The following ATP8B4 variants were observed in gnomAD, a reference collection of about 807,000 sequenced individuals.
The protein encoded by ATP8B4 is ATPase phospholipid transporting 8B4 (putative).
In ATP8B4, 133 loss-of-function variants were observed where a neutral mutation model predicts 145.6. The observed-to-expected ratio is 0.91, with a 90% CI of 0.79 to 1.05. The LOEUF (loss-of-function observed/expected upper bound fraction) is 1.05, where lower values mean the gene tolerates loss of function less well. ATP8B4 is among the 50% of genes least tolerant of loss of function. The probability of loss-of-function intolerance (pLI) is 0.00; values close to 1 mark genes in which losing one functional copy is unlikely to be tolerated. For synonymous variants in ATP8B4, 507 were observed against 492.9 expected (o/e 1.03, Z -0.38); for missense variants, 1,458 against 1,425.2 (o/e 1.02, Z -0.37).
chr15:49,888,230 G>A (rs903521110), intron 23 of ATP8B4, among the ~76,000 whole-genome samples: 6 of 152,218 alleles, frequency 3.9e-5, no homozygotes, highest in African/African-American at 1.4e-4. Flanking sequence ...TCTGGAAGGT[G>A]AGGGGGAGCA....
chr15:50,146,839 G>A (rs980967831), intron 1 of ATP8B4, among the ~76,000 whole-genome samples: 3 of 152,106 alleles, frequency 2.0e-5, no homozygotes, highest in African/African-American at 7.2e-5. Context: ...AGGAAGAGGA[G>A]GAGCCTTGAA....
chr15:49,989,758 A>G (rs2046906581), intron 9 of ATP8B4, among the ~76,000 whole-genome samples: 1 of 151,958 alleles, frequency 6.6e-6, no homozygotes, highest in Non-Finnish European at 1.5e-5. Flanking sequence ...GCCAAACTAC[A>G]TTTGTTTTTA....
At chr15:50,081,077 C>T (rs1463307121) in intron 2 of ATP8B4, among the ~76,000 whole-genome samples, 7 of 149,308 alleles carry the variant, frequency 4.7e-5, no homozygotes, top group African/African-American at 7.4e-5. Flanking sequence ...CACGCCACTG[C>T]ACTCCAGCCT....
intron 1 of ATP8B4, among the ~76,000 whole-genome samples, chr15:50,110,568 A>G (rs1256600953): frequency 6.6e-6 from 1 of 152,256 alleles, no homozygotes; most frequent in African/African-American, 2.4e-5. Flanking sequence ...CTAGCTCTAG[A>G]AGCAGGAACT....
chr15:50,100,672 C>T (rs1319471151), intron 2 of ATP8B4, among the ~76,000 whole-genome samples: 5 of 152,148 alleles, frequency 3.3e-5, no homozygotes, highest in Admixed American at 3.3e-4. Flanking sequence ...TGATGGTGAT[C>T]ATTTTATCAC....
intron 6 of ATP8B4, among the ~76,000 whole-genome samples, chr15:50,017,507 CA>C (rs2049182006): frequency 6.6e-6 from 1 of 151,970 alleles, no homozygotes; most frequent in African/African-American, 2.4e-5. Context: ...ACAAATACCC[CA>C]AAAGAAGATA....
intron 1 of ATP8B4, among the ~76,000 whole-genome samples, chr15:50,181,782 A>C (rs993318068): frequency 9.9e-5 from 15 of 152,204 alleles, no homozygotes; most frequent in Non-Finnish European, 1.9e-4. Flanking sequence ...TGGGACCAGG[A>C]AGGAGAGATG....
At chr15:50,020,551 AT>A (rs1214645125) in intron 6 of ATP8B4, among the ~76,000 whole-genome samples, 1 of 152,090 alleles carries the variant, frequency 6.6e-6, no homozygotes, top group Non-Finnish European at 1.5e-5. Flanking sequence ...TGACTTTTAA[AT>A]TATATCTTCA....
chr15:50,097,910 A>G (rs1166386905), intron 2 of ATP8B4, among the ~76,000 whole-genome samples: 10 of 152,172 alleles, frequency 6.6e-5, no homozygotes, highest in Non-Finnish European at 2.9e-5. Flanking sequence ...TTTTACGTTC[A>G]TGCTCACAGT....
At position 49,979,686 on chromosome 15, in the gene ATP8B4, G is replaced by A. The variant is rs2045986046; in HGVS notation, c.965C>T (p.Ser322Phe). The A allele has an allele frequency of 6.2e-7, 1 of 1,607,468 alleles. No individual in the cohort carries two copies. The highest frequency in any genetic ancestry group is 8.5e-7 in the Non-Finnish European group (1 of 1,175,214). Residue 322 changes from serine (S) to phenylalanine (F), a missense_variant, in exon 12 of 28, where the codon TCC becomes TTC. Physicochemically the swap from Ser to Phe is radical, Grantham distance 155. Transcript: ENST00000284509. ...WNEGEKSSVF[S>F]GFLTFWSYII... ...ATATGACCAGAATGTTAAGAATCCGGAGAACACAGAGCTCTTCTCTCCTTC... is the reference window on the plus strand; with the variant it reads ...ATATGACCAGAATGTTAAGAATCCGAAGAACACAGAGCTCTTCTCTCCTTC...
intron 6 of ATP8B4, among the ~76,000 whole-genome samples, chr15:50,015,405 A>C (rs1007877121): frequency 2.0e-5 from 3 of 152,226 alleles, no homozygotes; most frequent in Admixed American, 6.5e-5. Flanking sequence ...AACTTGGCCA[A>C]GGTCACATAT....
intron 25 of ATP8B4, among the ~76,000 whole-genome samples, chr15:49,873,660 C>T (rs1023831776): frequency 5.3e-5 from 8 of 152,052 alleles, no homozygotes; most frequent in African/African-American, 1.9e-4. Context: ...TATAATAAGA[C>T]TAAAAGGATT....
chr15:49,869,687 A>G (rs1946052034), intron 25 of ATP8B4, among the ~76,000 whole-genome samples: 1 of 152,340 alleles, frequency 6.6e-6, no homozygotes, highest in African/African-American at 2.4e-5. Context: ...GACAGACATG[A>G]TGGCAAAGGT....
At position 50,138,034 on chromosome 15, in the gene ATP8B4, C is replaced by G. The variant is rs145646553; in HGVS notation, c.-42-31026G>C. Among the ~76,000 whole-genome samples the G allele has an allele frequency of 3.3e-3, 503 of 152,292 alleles. 1 individual carries two copies. Among genetic ancestry groups the G allele is most frequent in the African/African-American group, 0.012 (482 of 41,564 alleles). ...GCTCATCTTAGTATCGCTCTAGCCA[C>G]TGGATGAGAGATTCTATCACATTTT... On this transcript the variant is annotated intron_variant, in intron 1 of 3. Coordinates refer to the ATP8B4 transcript ENST00000558829.
intron 16 of ATP8B4, among the ~76,000 whole-genome samples, chr15:49,926,693 G>A (rs1464826851): frequency 6.6e-6 from 1 of 152,044 alleles, no homozygotes; most frequent in Non-Finnish European, 1.5e-5. Context: ...TGGAACATAT[G>A]GGGAACTTAA....
chr15:50,102,970 T>A (rs563867362), intron 2 of ATP8B4, among the ~76,000 whole-genome samples: 3 of 152,132 alleles, frequency 2.0e-5, no homozygotes, highest in Admixed American at 6.6e-5. Flanking sequence ...ATACACCACA[T>A]AAAGAGAATT....
At chr15:50,015,812 ATTTAT>A (rs1397536271) in intron 6 of ATP8B4, among the ~76,000 whole-genome samples, 1 of 152,172 alleles carries the variant, frequency 6.6e-6, no homozygotes, top group African/African-American at 2.4e-5. Context: ...TTTGGAATCT[ATTTAT>A]TTTAAAGAAT....
At chr15:49,890,140 G>A (rs1207153640) in intron 23 of ATP8B4, among the ~76,000 whole-genome samples, 1 of 152,186 alleles carries the variant, frequency 6.6e-6, no homozygotes, top group East Asian at 1.9e-4. Flanking sequence ...TCACTCTGTT[G>A]TTCCTGGGGG....
Position 49,858,280 on chromosome 15 carries a change from G to A in ATP8B4, c.*1914C>T, listed in dbSNP as rs1402179115. 1.3e-5 allele frequency: 2 copies of A among 152,130 alleles called. No individual in the cohort carries two copies. Among genetic ancestry groups the A allele is most frequent in the Admixed American group, 1.3e-4 (2 of 15,272 alleles). 9.4% of individuals were successfully genotyped at this position (152,130 alleles called of 1,614,324 possible). A position where few individuals can be genotyped will look rare whatever the true frequency, so the allele number is the denominator to read the frequency against. On this transcript the variant is annotated 3_prime_UTR_variant, in exon 28 of 28. Coordinates refer to ENST00000284509, the MANE Select transcript of ATP8B4 (RefSeq NM_024837.4). Reference sequence around the variant, plus strand: ...CATTTACTGAAAGTTTTCAAATCTTGCAAAAATGTTACAAAAAGTGAGCAA... The same window carrying A: ...CATTTACTGAAAGTTTTCAAATCTTACAAAAATGTTACAAAAAGTGAGCAA...
Sources: allele counts gnomAD v4.1 joint callset (sites outside exome capture counted in the v4.1 genomes callset), GRCh38; gene constraint gnomAD v4.1.1; transcripts MANE v1.5; gene names NCBI Gene and HGNC (gene_info 2026-07-23, HGNC 2026-07-21).